The following ANKFY1 variants were observed in gnomAD, a reference collection of about 807,000 sequenced individuals.
ANKFY1 encodes ankyrin repeat and FYVE domain-containing protein 1.
ANKFY1 carries 47 observed loss-of-function variants against 128.3 expected under a neutral mutation model. The observed-to-expected ratio is 0.37, with a 90% CI of 0.29 to 0.47. The LOEUF is 0.47. ANKFY1 is among the 20% of genes least tolerant of loss of function. The pLI is 1.00. For synonymous variants in ANKFY1, 553 were observed against 601.6 expected (o/e 0.92, Z 1.18); for missense variants, 1,222 against 1,510.6 (o/e 0.81, Z 3.17).
chr17:4,186,105 C>T lies in ANKFY1; in HGVS notation c.1471-1059G>A, dbSNP rs181390293. Among the ~76,000 whole-genome samples the T allele has an allele frequency of 3.3e-5, 5 of 152,334 alleles. No individual in the cohort carries two copies. The East Asian group carries it at 9.6e-4, about 29-fold the overall frequency. On this transcript the variant is annotated intron_variant, in intron 11 of 24. Transcript: ENST00000341657. ...GTTTCTCTCCATTGACAGAACCCTCCCAGGAAAACACACGTATGCACACAC... is the reference window on the plus strand; with the variant it reads ...GTTTCTCTCCATTGACAGAACCCTCTCAGGAAAACACACGTATGCACACAC...
At chr17:4,196,208 G>A (rs957818398) in intron 8 of ANKFY1, among the ~76,000 whole-genome samples, 25 of 139,516 alleles carry the variant, frequency 1.8e-4, no homozygotes, top group Middle Eastern at 4.2e-3. Context: ...GTTTATTGCC[G>A]TTGGAGGAAA....
chr17:4,202,988 A>ATG (rs982209969), intron 7 of ANKFY1, among the ~76,000 whole-genome samples: 1 of 150,190 alleles, frequency 6.7e-6, no homozygotes, highest in African/African-American at 2.4e-5. Context: ...ACACATATAT[A>ATG]TATATATATA....
intron 7 of ANKFY1, among the ~76,000 whole-genome samples, chr17:4,199,551 G>A (rs909300269): frequency 1.3e-5 from 2 of 152,130 alleles, no homozygotes; most frequent in African/African-American, 4.8e-5. Flanking sequence ...CTCTGTAGGA[G>A]TGAAAAAAAC....
At chr17:4,221,225 A>G (rs2060306282) in intron 3 of ANKFY1, among the ~76,000 whole-genome samples, 1 of 152,162 alleles carries the variant, frequency 6.6e-6, no homozygotes, top group Non-Finnish European at 1.5e-5. Flanking sequence ...TTTTTACTTT[A>G]TTTATTTAGG....
At chr17:4,187,181 C>A in intron 11 of ANKFY1, 1 of 446,318 alleles carries the variant, frequency 2.2e-6, no homozygotes, top group South Asian at 1.1e-4. Context: ...TTCCCAAATT[C>A]CATTACGTCA....
intron 3 of ANKFY1, among the ~76,000 whole-genome samples, chr17:4,226,319 T>C (rs12936490): frequency 0.44 from 66,994 of 151,858 alleles, 15,222 homozygotes; most frequent in African/African-American, 0.54. Context: ...GCTAAGAGTT[T>C]GAGACCAGCC....
intron 17 of ANKFY1, chr17:4,179,318 C>T (rs2059466364): frequency 1.8e-6 from 1 of 561,122 alleles, no homozygotes; most frequent in African/African-American, 1.9e-5. Context: ...CCGCTCTAAG[C>T]CACCACTCCT....
Position 4,178,680 on chromosome 17 carries a change from G to T in ANKFY1, c.2598+177C>A. Reference sequence around the variant, plus strand: ...CAGGCGCTGACACACAGGCAGAGGAGCCGGATCTCATCCTGCACGGATGGG... The same window carrying T: ...CAGGCGCTGACACACAGGCAGAGGATCCGGATCTCATCCTGCACGGATGGG... On this transcript the variant is annotated intron_variant, in intron 18 of 24. Transcript: ENST00000341657. This position sits in a 1 kb window ranked among gnomAD's most constrained non-coding sequence, Gnocchi z 4.1. 1.5e-6 allele frequency: 1 copy of T among 654,186 alleles called. No homozygotes were observed. Among genetic ancestry groups the T allele is most frequent in the Non-Finnish European group, 2.6e-6 (1 of 380,172 alleles). The allele number at this position is 654,186 out of a possible 1,614,324, so 40.5% of individuals were successfully genotyped here.
At chr17:4,174,594 T>C (rs1049307358) in intron 19 of ANKFY1, among the ~76,000 whole-genome samples, 2 of 152,152 alleles carry the variant, frequency 1.3e-5, no homozygotes, top group Admixed American at 1.3e-4. Flanking sequence ...ACAGAGGCAC[T>C]TGGAAGGTGT....
intron 16 of ANKFY1, chr17:4,180,304 C>T (rs7219103): frequency 0.75 from 117,621 of 157,012 alleles, 48,519 homozygotes; most frequent in East Asian, 0.93. Context: ...GGTGCGCGCC[C>T]ATCCCACCTC....
intron 10 of ANKFY1, among the ~76,000 whole-genome samples, chr17:4,193,105 A>T (rs1373256442): frequency 6.6e-6 from 1 of 152,206 alleles, no homozygotes; most frequent in Non-Finnish European, 1.5e-5. Flanking sequence ...GTTAGTAAGA[A>T]TATGTAAGAT....
intron 19 of ANKFY1, 132 bp from the exon 20 acceptor site, chr17:4,174,188 T>G: frequency 9.0e-7 from 1 of 1,107,152 alleles, no homozygotes; most frequent in Admixed American, 2.7e-5. Flanking sequence ...GCTGGGAGCA[T>G]AGGAGCTTCA....
chr17:4,263,669 G>A, intron 1 of ANKFY1: 1 of 1,533,266 alleles, frequency 6.5e-7, no homozygotes, highest in South Asian at 1.2e-5. Context: ...GCTGCACGCA[G>A]CACCGGCGCG....
intron 1 of ANKFY1, among the ~76,000 whole-genome samples, chr17:4,261,957 C>T (rs1023105609): frequency 6.6e-6 from 1 of 152,232 alleles, no homozygotes; most frequent in Non-Finnish European, 1.5e-5. Flanking sequence ...TGCTCCTTTT[C>T]TTACTCCTCT....
intron 3 of ANKFY1, chr17:4,223,013 C>T (rs2060354180): frequency 3.7e-6 from 3 of 803,692 alleles, no homozygotes; most frequent in Non-Finnish European, 6.6e-6. Context: ...TATCCAGGGA[C>T]AGGATAACTC....
At chr17:4,168,834 G>A in intron 24 of ANKFY1, 1 of 216,564 alleles carries the variant, frequency 4.6e-6, no homozygotes, top group Non-Finnish European at 9.6e-6. Flanking sequence ...ATTTTAATGG[G>A]AACAGCCCCT....
rs550054494 is a variant in ANKFY1, at chr17:4,179,714, G to A, written c.2397+7C>T. On this transcript the variant is annotated splice_region_variant and intron_variant, in intron 17 of 24. Coordinates refer to ENST00000341657, the MANE Select transcript of ANKFY1 (RefSeq NM_001330063.2). ...ACCTCTCTCCCCGGAAAAGAGAAAC[G>A]ACACACCTGTGCGTTCACGTTGGCA... 34 of 1,613,546 alleles carry A rather than the reference G, an allele frequency of 2.1e-5. 1 individual carries two copies. Among genetic ancestry groups the A allele is most frequent in the Middle Eastern group, 1.6e-4 (1 of 6,062 alleles).
chr17:4,195,336 G>T lies in ANKFY1; in HGVS notation c.1172+67C>A, dbSNP rs2059798012. On this transcript the variant is annotated intron_variant, in intron 9 of 24. Transcript: ENST00000341657. ...ATGCAACACTAAAGATGTTTAAAAA[G>T]AATGATTTTTCACTCACAATCCCCC... 1.3e-5 allele frequency: 20 copies of T among 1,528,500 alleles called. No homozygotes were observed. The South Asian group carries it at 2.3e-4, about 18-fold the overall frequency. The allele number at this position is 1,528,500 out of a possible 1,614,324, so 94.7% of individuals were successfully genotyped here.
chr17:4,209,924 A>T lies in ANKFY1; in HGVS notation c.482T>A (p.Leu161Gln). The T allele has an allele frequency of 1.2e-6, 2 of 1,613,738 alleles. No homozygotes were observed. The highest frequency in any genetic ancestry group is 1.7e-6 in the Non-Finnish European group (2 of 1,179,656). ...GCGAATACAGTTCCTGACATTCACTAGAGACATAACACCCTTCTCACATCT... is the reference window on the plus strand; with the variant it reads ...GCGAATACAGTTCCTGACATTCACTTGAGACATAACACCCTTCTCACATCT... ...RERCEKGVMS[L>Q]VNVRNCIRFY... The change falls in exon 5 of 25, where the codon CTA (leucine) becomes CAA (glutamine). Residue 161 changes from leucine (L) to glutamine (Q), a missense_variant. Coordinates refer to ENST00000341657, the MANE Select transcript of ANKFY1 (RefSeq NM_001330063.2).
Sources: allele counts gnomAD v4.1 joint callset (sites outside exome capture counted in the v4.1 genomes callset), GRCh38; gene constraint gnomAD v4.1.1; non-coding constraint Gnocchi (gnomAD v3.1); transcripts MANE v1.5; gene names NCBI Gene and HGNC (gene_info 2026-07-23, HGNC 2026-07-21).